The following MYO7B variants were observed in gnomAD, a reference collection of about 807,000 sequenced individuals.
MYO7B encodes the protein unconventional myosin-VIIb.
MYO7B carries 212 observed loss-of-function variants against 259.7 expected under a neutral mutation model. That is an observed-to-expected ratio of 0.82 (90% CI 0.73 to 0.91). MYO7B has a LOEUF of 0.91. Among genes scored for constraint, MYO7B ranks in the 40% least tolerant of loss-of-function variants. The probability of loss-of-function intolerance (pLI) is 0.00; values close to 1 mark genes in which losing one functional copy is unlikely to be tolerated. For synonymous variants in MYO7B, 1,197 were observed against 1,166.4 expected (o/e 1.03, Z -0.54); for missense variants, 2,732 against 2,813.5 (o/e 0.97, Z 0.66).
rs1289800479 is a variant in MYO7B, at chr2:127,539,710, G to T, written c.-24+3879G>T. On this transcript the variant is annotated intron_variant, in intron 1 of 47. Transcript: ENST00000409816. The surrounding 1 kb of genome is among the most constrained non-coding windows in gnomAD (Gnocchi z 4.0). ...AAAAAAAAACTCCATAGTTTTTAAG[G>T]TACAGGTGTTTTTTGGTTACATGGA... 2.6e-5 allele frequency among the ~76,000 whole-genome samples: 4 copies of T among 152,034 alleles called. No individual in the cohort carries two copies.
In MYO7B at chr2:127,574,068, G is replaced by A; in HGVS notation, c.735+6G>A. ...AGTCCCGGGTCTGCCGGCAGGTGAG[G>A]CCTCCCCCTTCCCAGGTCGGGAGTT... On this transcript the variant is annotated splice_donor_region_variant and intron_variant, in intron 7 of 47. Transcript: ENST00000409816. 4 of 1,613,820 alleles carry A rather than the reference G, an allele frequency of 2.5e-6. No individual in the cohort carries two copies. In the South Asian group the frequency reaches 4.4e-5, roughly 18 times the overall value.
chr2:127,616,240 C>T (rs1325040543), intron 26 of MYO7B, among the ~76,000 whole-genome samples: 2 of 152,190 alleles, frequency 1.3e-5, no homozygotes, highest in East Asian at 1.9e-4. Context: ...AAAAAATCCT[C>T]AAGCTCTATT....
In MYO7B at chr2:127,615,930, G is replaced by A. The variant is rs1680555139; in HGVS notation, c.3398+3327G>A. Among the ~76,000 whole-genome samples the A allele has an allele frequency of 6.6e-6, 1 of 152,168 alleles. No individual in the cohort carries two copies. The highest frequency in any genetic ancestry group is 6.5e-5 in the Admixed American group (1 of 15,284). The stretch of plus-strand genomic sequence containing the variant: ...AGGTCCCTCCAGTCTCCCGTTGCAT[G>A]GTCGCACACAACTTGAGGGCACCTA... On this transcript the variant is annotated intron_variant, in intron 26 of 47. Coordinates refer to ENST00000409816, the MANE Select transcript of MYO7B (RefSeq NM_001393586.1). The surrounding 1 kb of genome is among the most constrained non-coding windows in gnomAD (Gnocchi z 4.4).
chr2:127,581,342 C>T (rs544687651), intron 10 of MYO7B, among the ~76,000 whole-genome samples: 4 of 152,340 alleles, frequency 2.6e-5, no homozygotes, highest in Non-Finnish European at 4.4e-5. Flanking sequence ...GGGGCTACCT[C>T]TGCAATGGGG....
In MYO7B at chr2:127,584,739, T is replaced by G. The variant is rs1679235027; in HGVS notation, c.1555-39T>G. The G allele has an allele frequency of 1.2e-6, 2 of 1,610,858 alleles. No homozygotes were observed. Among genetic ancestry groups the G allele is most frequent in the Non-Finnish European group, 1.7e-6 (2 of 1,178,224 alleles). On this transcript the variant is annotated intron_variant, in intron 13 of 47. Coordinates refer to ENST00000409816, the MANE Select transcript of MYO7B (RefSeq NM_001393586.1). This position sits in a 1 kb window ranked among gnomAD's most constrained non-coding sequence, Gnocchi z 5.8. ...GAGCCTCACCTCCCCATGGCTGGAC[T>G]CTGGGACCTCAGCCCACAGGGTGTC...
rs375494391 is a variant in MYO7B, at chr2:127,571,827, T to C, written c.592+1917T>C. 8.5e-5 allele frequency among the ~76,000 whole-genome samples: 13 copies of C among 152,346 alleles called. No homozygotes were observed. In the East Asian group the frequency reaches 2.3e-3, roughly 27 times the overall value. ...TTCTGTGTTCTGGATACAAGTCCTT[T>C]ATAAGATAGGTGTTACATCTTATAT... On this transcript the variant is annotated intron_variant, in intron 6 of 47. Transcript: ENST00000409816.
Position 127,627,422 on chromosome 2 carries a change from G to C in MYO7B, c.4460+112G>C. ...GTGTGCCGTCCCGGGTAACAGGCCG[G>C]GGTGGAGGGACAAGAATCTACGTAT... On this transcript the variant is annotated intron_variant, in intron 33 of 47. Transcript: ENST00000409816. This position sits in a 1 kb window ranked among gnomAD's most constrained non-coding sequence, Gnocchi z 5.6. The C allele has an allele frequency of 7.0e-7, 1 of 1,437,478 alleles. No individual in the cohort carries two copies. The highest frequency in any genetic ancestry group is 1.4e-5 in the African/African-American group (1 of 71,524). The allele number at this position is 1,437,478 out of a possible 1,614,324, so 89.0% of individuals were successfully genotyped here.
chr2:127,605,687 G>A lies in MYO7B; in HGVS notation c.2340-157G>A, dbSNP rs546071575. On this transcript the variant is annotated intron_variant, in intron 19 of 47. Coordinates refer to ENST00000409816, the MANE Select transcript of MYO7B (RefSeq NM_001393586.1). ...TTTTTTGTTCCTAACCTGCCTGTGC[G>A]TCTTTTGGTCTGTAACACCTTCTGA... Among the ~76,000 whole-genome samples the A allele has an allele frequency of 8.5e-5, 13 of 152,306 alleles. No individual in the cohort carries two copies. The South Asian group carries it at 1.5e-3, about 17-fold the overall frequency.
rs369211505 is a variant in MYO7B, at chr2:127,608,884, A to G, written c.2814+6A>G. ...AGGCCTCGCCGCACTTTGAGGTAAC[A>G]CAAGCCTGGTGTCCACAATCCGCCC... On this transcript the variant is annotated splice_donor_region_variant and intron_variant, in intron 22 of 47. Transcript: ENST00000409816. The G allele has an allele frequency of 5.6e-6, 9 of 1,610,450 alleles. No individual in the cohort carries two copies. Among genetic ancestry groups the G allele is most frequent in the East Asian group, 2.2e-5 (1 of 44,754 alleles).
chr2:127,558,886 C>T (rs907167411), intron 1 of MYO7B, among the ~76,000 whole-genome samples: 4 of 151,932 alleles, frequency 2.6e-5, no homozygotes, highest in Non-Finnish European at 4.4e-5. Context: ...TTTGGGGACT[C>T]GGGGAAAGGG....
chr2:127,607,313 G>A lies in MYO7B; in HGVS notation c.2532G>A (p.Arg844=), dbSNP rs1359700021. 1 of 1,551,438 alleles carries A rather than the reference G, an allele frequency of 6.4e-7. No homozygotes were observed. Among genetic ancestry groups the A allele is most frequent in the Non-Finnish European group, 8.7e-7 (1 of 1,146,922 alleles). Residue 844 remains arginine (R), a synonymous_variant, in exon 21 of 48, where the codon AGG becomes AGA. Coordinates refer to ENST00000409816, the MANE Select transcript of MYO7B (RefSeq NM_001393586.1). This position sits in a 1 kb window ranked among gnomAD's most constrained non-coding sequence, Gnocchi z 4.4. ...QRTVQLQALC[R]GYLVRQQVQA... The stretch of plus-strand genomic sequence containing the variant: ...CAGTCCAGCTGCAGGCCCTGTGCAG[G>A]GGATACCTGGTGCGCCAGCAAGTCC...
chr2:127,580,238 G>A (rs572982138), intron 9 of MYO7B, among the ~76,000 whole-genome samples: 2 of 152,188 alleles, frequency 1.3e-5, no homozygotes, highest in African/African-American at 4.8e-5. Context: ...TAAGCTGGAC[G>A]TTGGTTGAAG....
intron 21 of MYO7B, 118 bp from the exon 22 acceptor site, chr2:127,608,590 T>C: frequency 9.0e-7 from 1 of 1,115,660 alleles, no homozygotes; most frequent in Non-Finnish European, 1.3e-6. Context: ...TTTGGACAAA[T>C]GATGGCAGGA....
At chr2:127,622,211 A>G in intron 28 of MYO7B, 110 bp downstream of exon 28, 1 of 1,389,146 alleles carries the variant, frequency 7.2e-7, no homozygotes, top group East Asian at 2.5e-5. Flanking sequence ...TTGTCCTCTG[A>G]GCCCCGCCAT....
In MYO7B at chr2:127,576,790, T is replaced by G; in HGVS notation, c.849+82T>G. ...GTGCCGCTCCACCCTCCGCGACAGC[T>G]GCAGAGAAGCCCAACGCTGGCCGGG... On this transcript the variant is annotated intron_variant, in intron 8 of 47. Transcript: ENST00000409816. The surrounding 1 kb of genome is among the most constrained non-coding windows in gnomAD (Gnocchi z 4.9). 1.9e-6 allele frequency: 2 copies of G among 1,029,766 alleles called. No homozygotes were observed. The highest frequency in any genetic ancestry group is 2.8e-6 in the Non-Finnish European group (2 of 703,906). The allele number at this position is 1,029,766 out of a possible 1,614,324, so 63.8% of individuals were successfully genotyped here.
intron 2 of MYO7B, among the ~76,000 whole-genome samples, chr2:127,560,842 C>G (rs1678055172): frequency 6.6e-6 from 1 of 152,204 alleles, no homozygotes; most frequent in Non-Finnish European, 1.5e-5. Flanking sequence ...TGCTGGAGCA[C>G]ACTGCTGCGA....
chr2:127,580,952 C>A (rs1033716525), intron 10 of MYO7B, 130 bp downstream of exon 10: 1 of 900,440 alleles, frequency 1.1e-6, no homozygotes, highest in Non-Finnish European at 1.7e-6. Context: ...TATGCTCAAA[C>A]CCCTCCCTTC....
chr2:127,559,831 T>G lies in MYO7B; in HGVS notation c.18+91T>G. On this transcript the variant is annotated intron_variant, in intron 2 of 47. Coordinates refer to ENST00000409816, the MANE Select transcript of MYO7B (RefSeq NM_001393586.1). This position sits in a 1 kb window ranked among gnomAD's most constrained non-coding sequence, Gnocchi z 4.1. ...TCCCAAGGAAAGAGAGGAAAGGCAA[T>G]GAGACCCTATAGGAAAATACCAGAG... 3.6e-6 allele frequency: 5 copies of G among 1,407,480 alleles called. No homozygotes were observed. Among genetic ancestry groups the G allele is most frequent in the Middle Eastern group, 1.8e-4 (1 of 5,684 alleles). 87.2% of individuals were successfully genotyped at this position (1,407,480 alleles called of 1,614,324 possible). A position where few individuals can be genotyped will look rare whatever the true frequency, so the allele number is the denominator to read the frequency against.
At chr2:127,538,250 A>C (rs1010706882) in intron 1 of MYO7B, among the ~76,000 whole-genome samples, 4 of 151,608 alleles carry the variant, frequency 2.6e-5, no homozygotes, top group Non-Finnish European at 5.9e-5. Context: ...GGCGCCTGGC[A>C]GGGATGAAAT....
Sources: allele counts gnomAD v4.1 joint callset (sites outside exome capture counted in the v4.1 genomes callset), GRCh38; gene constraint gnomAD v4.1.1; non-coding constraint Gnocchi (gnomAD v3.1); transcripts MANE v1.5; gene names NCBI Gene and HGNC (gene_info 2026-07-23, HGNC 2026-07-21).